Variants in PDE4D observed in about 807,000 individuals in gnomAD.
PDE4D encodes the protein phosphodiesterase 4D, also known as 3',5'-cyclic-AMP phosphodiesterase 4D.
PDE4D carries 24 observed loss-of-function variants against 87.4 expected under a neutral mutation model. The observed-to-expected ratio is 0.27, with a 90% CI of 0.20 to 0.39. PDE4D has a LOEUF of 0.39. Among genes scored for constraint, PDE4D ranks in the 10% least tolerant of loss-of-function variants. The pLI is 1.00. For missense variants in PDE4D, 714 were observed against 1,041.0 expected, an observed-to-expected ratio of 0.69 and a Z score of 4.32; for synonymous variants, 384 against 383.2, an observed-to-expected ratio of 1.00 and a Z score of -0.02.
chr5:59,977,317 T>G (rs1444822011), intron 3 of PDE4D, among the ~76,000 whole-genome samples: 3 of 152,190 alleles, frequency 2.0e-5, no homozygotes, highest in Non-Finnish European at 4.4e-5. Flanking sequence ...GGAGAAAACT[T>G]CAGTGGTCTG....
intron 1 of PDE4D, among the ~76,000 whole-genome samples, chr5:59,505,848 T>A (rs1262592833): frequency 1.3e-5 from 2 of 152,220 alleles, no homozygotes; most frequent in Non-Finnish European, 2.9e-5. Context: ...GAAGCACATT[T>A]TTTTTTCTGC....
intron 1 of PDE4D, among the ~76,000 whole-genome samples, chr5:59,298,113 C>CTTTTTTT (rs759820053): frequency 8.8e-6 from 1 of 113,010 alleles, no homozygotes. Flanking sequence ...ACAAGTGAAA[C>CTTTTTTT]TTTTTTTTTT....
chr5:60,124,270 ACTGT>A (rs1778938646), intron 2 of PDE4D, among the ~76,000 whole-genome samples: 2 of 151,964 alleles, frequency 1.3e-5, no homozygotes, highest in African/African-American at 4.8e-5. Context: ...CCTAACCTCA[ACTGT>A]CTAAGTACTC....
intron 1 of PDE4D, among the ~76,000 whole-genome samples, chr5:59,238,494 A>C (rs1436347192): frequency 6.6e-6 from 1 of 152,204 alleles, no homozygotes; most frequent in East Asian, 1.9e-4. Context: ...TTATGTATTT[A>C]TGAATGGAGA....
chr5:59,919,156 G>A (rs925331752), intron 3 of PDE4D, among the ~76,000 whole-genome samples: 1 of 152,168 alleles, frequency 6.6e-6, no homozygotes, highest in Non-Finnish European at 1.5e-5. Context: ...ATTGATAACA[G>A]TTGGATAGAC....
chr5:59,850,362 G>T (rs1744496925), intron 1 of PDE4D, among the ~76,000 whole-genome samples: 1 of 151,988 alleles, frequency 6.6e-6, no homozygotes. Context: ...TGCACATCGG[G>T]TTAGGAGTGC....
chr5:59,198,123 A>G (rs1745875942), intron 2 of PDE4D, among the ~76,000 whole-genome samples: 1 of 152,150 alleles, frequency 6.6e-6, no homozygotes, highest in South Asian at 2.1e-4. Flanking sequence ...GGATGATGCA[A>G]TACTGTCTTT....
chr5:59,164,363 A>G (rs906828829), intron 5 of PDE4D, among the ~76,000 whole-genome samples: 1 of 152,240 alleles, frequency 6.6e-6, no homozygotes, highest in Non-Finnish European at 1.5e-5. Flanking sequence ...GAAGTATCAC[A>G]GTACAGTCAA....
In PDE4D at chr5:60,295,481, T is replaced by C. The variant is rs563194780; in HGVS notation, c.-89-109794A>G. On this transcript the variant is annotated intron_variant, in intron 1 of 16. Coordinates refer to the PDE4D transcript ENST00000502484. ...ATTATGATGTGAGCTGTTGGGCTTT[T>C]ATGTAGATGGCTTTTATCAAATATT... 7.2e-5 allele frequency among the ~76,000 whole-genome samples: 11 copies of C among 152,314 alleles called. No homozygotes were observed. In the East Asian group the frequency reaches 2.1e-3, roughly 29 times the overall value.
chr5:60,445,587 G>C (rs1745582704), intron 1 of PDE4D, among the ~76,000 whole-genome samples: 1 of 152,058 alleles, frequency 6.6e-6, no homozygotes, highest in Non-Finnish European at 1.5e-5. Flanking sequence ...TAACTCCAAA[G>C]GCAGAAACTT....
At chr5:59,811,246 G>A (rs1768315132) in intron 1 of PDE4D, among the ~76,000 whole-genome samples, 1 of 152,146 alleles carries the variant, frequency 6.6e-6, no homozygotes, top group South Asian at 2.1e-4. Context: ...TTTCCCTGGG[G>A]AATTTTAGAC....
chr5:60,496,899 A>G (rs767704129), intron 1 of PDE4D, among the ~76,000 whole-genome samples: 1 of 152,190 alleles, frequency 6.6e-6, no homozygotes, highest in Non-Finnish European at 1.5e-5. Flanking sequence ...CCTGTTTTGT[A>G]CCATTAAATA....
intron 3 of PDE4D, among the ~76,000 whole-genome samples, chr5:59,909,067 A>G (rs541716579): frequency 6.6e-6 from 1 of 152,334 alleles, no homozygotes; most frequent in South Asian, 2.1e-4. Flanking sequence ...TGATAAATAC[A>G]TTAATATCAT....
intron 1 of PDE4D, among the ~76,000 whole-genome samples, chr5:60,517,962 T>C (rs1205677863): frequency 6.6e-6 from 1 of 152,238 alleles, no homozygotes; most frequent in East Asian, 1.9e-4. Context: ...AGCCCAGACC[T>C]GGGAGCTCCC....
chr5:60,166,117 C>G (rs1359593401), intron 2 of PDE4D, among the ~76,000 whole-genome samples: 1 of 152,086 alleles, frequency 6.6e-6, no homozygotes, highest in Non-Finnish European at 1.5e-5. Flanking sequence ...TTATTTGAGA[C>G]TGAGTCTTGC....
At chr5:59,604,017 C>T (rs1827858566) in intron 1 of PDE4D, among the ~76,000 whole-genome samples, 1 of 151,812 alleles carries the variant, frequency 6.6e-6, no homozygotes, top group Admixed American at 6.6e-5. Flanking sequence ...ATGATAAATA[C>T]ACAATTTTAT....
chr5:60,372,831 T>A (rs1056501502), intron 1 of PDE4D: 2 of 152,228 alleles, frequency 1.3e-5, no homozygotes, highest in African/African-American at 4.8e-5. Context: ...AAATCCCTGG[T>A]TCAATGCCTG....
rs1216619189 is a variant in PDE4D at position 58,970,848 on chromosome 5, A to G, written c.*3816T>C. The G allele has an allele frequency of 6.6e-6, 1 of 152,144 alleles. No homozygotes were observed. The highest frequency in any genetic ancestry group is 1.5e-5 in the Non-Finnish European group (1 of 68,018). The allele number at this position is 152,144 out of a possible 1,614,324, so 9.4% of individuals were successfully genotyped here. A position where few individuals can be genotyped will look rare whatever the true frequency, so the allele number is the denominator to read the frequency against. ...TAGAAGCCAAAAGGACTTAAAAAAA[A>G]GAAAAAGATTGTTTATAATCACTGG... On this transcript the variant is annotated 3_prime_UTR_variant, in exon 15 of 15. Transcript: ENST00000340635.
At chr5:60,431,634 G>A (rs914230104) in intron 1 of PDE4D, among the ~76,000 whole-genome samples, 5 of 151,476 alleles carry the variant, frequency 3.3e-5, no homozygotes, top group East Asian at 2.0e-4. Flanking sequence ...GACGATGGGC[G>A]GCCAGGCAGA....
Sources: allele counts gnomAD v4.1 joint callset (sites outside exome capture counted in the v4.1 genomes callset), GRCh38; gene constraint gnomAD v4.1.1; transcripts MANE v1.5; gene names NCBI Gene and HGNC (gene_info 2026-07-23, HGNC 2026-07-21).